The following PLXDC2 variants were observed in gnomAD, a reference collection of about 807,000 sequenced individuals.
The protein encoded by PLXDC2 is plexin domain containing 2.
Under a neutral mutation model 68.9 loss-of-function variants are expected in PLXDC2, and 40 were observed. That is an observed-to-expected ratio of 0.58 (90% CI 0.45 to 0.76). The LOEUF (loss-of-function observed/expected upper bound fraction) is 0.76. Ranked by LOEUF, PLXDC2 falls within the 30% of genes least tolerant of loss-of-function variation. PLXDC2 has a pLI of 0.00. For synonymous variants in PLXDC2, 243 were observed against 234.2 expected, an observed-to-expected ratio of 1.04 and a Z score of -0.34; for missense variants, 644 against 661.9, an observed-to-expected ratio of 0.97 and a Z score of 0.30.
intron 13 of PLXDC2, among the ~76,000 whole-genome samples, chr10:20,250,306 C>T (rs965154382): frequency 1.5e-4 from 22 of 149,798 alleles, no homozygotes; most frequent in African/African-American, 5.4e-4. Context: ...ATGACTCTAT[C>T]CTTGAGTGTA....
At chr10:19,964,208 A>G (rs954401539) in intron 1 of PLXDC2, among the ~76,000 whole-genome samples, 2 of 152,092 alleles carry the variant, frequency 1.3e-5, no homozygotes, top group Admixed American at 6.5e-5. Context: ...CCACACTGAA[A>G]TGGATTTGGT....
At chr10:20,081,566 A>G (rs1467092773) in intron 4 of PLXDC2, among the ~76,000 whole-genome samples, 2 of 152,216 alleles carry the variant, frequency 1.3e-5, no homozygotes, top group African/African-American at 2.4e-5. Flanking sequence ...GTGCTTTCCA[A>G]AACTGACAGA....
At chr10:19,865,473 G>A (rs1353485023) in intron 1 of PLXDC2, among the ~76,000 whole-genome samples, 1 of 152,112 alleles carries the variant, frequency 6.6e-6, no homozygotes, top group Non-Finnish European at 1.5e-5. Context: ...TCTCATTACT[G>A]GTATGAATGG....
At chr10:19,862,080 A>G (rs1837329834) in intron 1 of PLXDC2, among the ~76,000 whole-genome samples, 1 of 152,236 alleles carries the variant, frequency 6.6e-6, no homozygotes, top group African/African-American at 2.4e-5. Context: ...CTTAACATCT[A>G]CTTTTTTGGT....
At chr10:19,980,308 A>C (rs147461619) in intron 1 of PLXDC2, among the ~76,000 whole-genome samples, 1 of 152,236 alleles carries the variant, frequency 6.6e-6, no homozygotes, top group East Asian at 1.9e-4. Flanking sequence ...TATACTCTTC[A>C]GTATCCCTCC....
intron 1 of PLXDC2, among the ~76,000 whole-genome samples, chr10:19,941,960 C>T (rs1358797200): frequency 1.4e-5 from 2 of 148,052 alleles, no homozygotes; most frequent in African/African-American, 5.0e-5. Context: ...TGTTTCCAGC[C>T]TTTGACATTT....
intron 13 of PLXDC2, among the ~76,000 whole-genome samples, chr10:20,264,889 A>G (rs553822726): frequency 9.2e-4 from 140 of 152,272 alleles, no homozygotes; most frequent in African/African-American, 3.2e-3. Context: ...TAAAAAAGTA[A>G]ATATTGAAAG....
At chr10:20,185,743 A>G (rs1019328296) in intron 9 of PLXDC2, among the ~76,000 whole-genome samples, 1 of 152,110 alleles carries the variant, frequency 6.6e-6, no homozygotes, top group Admixed American at 6.6e-5. Context: ...ATATAAGGAA[A>G]TTAACTCACT....
At chr10:20,174,318 AATG>A (rs2131823757) in intron 7 of PLXDC2, among the ~76,000 whole-genome samples, 1 of 141,954 alleles carries the variant, frequency 7.0e-6, no homozygotes, top group Admixed American at 7.4e-5. Context: ...CTAAAAAAAA[AATG>A]ATGTGATTTA....
intron 1 of PLXDC2, among the ~76,000 whole-genome samples, chr10:19,881,720 A>T: frequency 6.6e-6 from 1 of 152,238 alleles, no homozygotes; most frequent in East Asian, 1.9e-4. Context: ...AGTACTAAAT[A>T]AAATTTGCTT....
At chr10:19,933,508 C>A (rs1022784051) in intron 1 of PLXDC2, among the ~76,000 whole-genome samples, 1 of 151,926 alleles carries the variant, frequency 6.6e-6, no homozygotes, top group East Asian at 1.9e-4. Context: ...ATGGTGGGCA[C>A]CTATCATCCC....
At chr10:19,993,017 G>A (rs573005813) in intron 1 of PLXDC2, among the ~76,000 whole-genome samples, 58 of 152,140 alleles carry the variant, frequency 3.8e-4, no homozygotes, top group African/African-American at 1.3e-3. Context: ...CTGCCTCCCC[G>A]AACCATCACT....
chr10:19,999,714 T>A (rs551225529), intron 1 of PLXDC2, among the ~76,000 whole-genome samples: 1 of 152,256 alleles, frequency 6.6e-6, no homozygotes, highest in East Asian at 1.9e-4. Flanking sequence ...CTTATCTGGT[T>A]GTCATAAAGT....
chr10:19,969,723 C>T (rs546963555), intron 1 of PLXDC2, among the ~76,000 whole-genome samples: 14 of 152,272 alleles, frequency 9.2e-5, no homozygotes, highest in African/African-American at 2.9e-4. Flanking sequence ...CTTATTCTGA[C>T]TATACTCAGT....
At chr10:19,906,223 A>G (rs1261264263) in intron 1 of PLXDC2, among the ~76,000 whole-genome samples, 3 of 151,684 alleles carry the variant, frequency 2.0e-5, no homozygotes, top group Non-Finnish European at 2.9e-5. Flanking sequence ...GATGTGTGTT[A>G]TTATTATTCA....
chr10:19,854,414 G>T (rs868780433), intron 1 of PLXDC2, among the ~76,000 whole-genome samples: 8 of 152,108 alleles, frequency 5.3e-5, no homozygotes, highest in Non-Finnish European at 5.9e-5. Flanking sequence ...CCTCCCAGGG[G>T]CCATATGGCA....
At chr10:20,243,926 G>A (rs528756015) in intron 12 of PLXDC2, among the ~76,000 whole-genome samples, 3 of 152,076 alleles carry the variant, frequency 2.0e-5, no homozygotes, top group Non-Finnish European at 4.4e-5. Flanking sequence ...AGGTGTAGTG[G>A]CAAGCGCCTG....
At chr10:19,886,039 G>A (rs191646111) in intron 1 of PLXDC2, among the ~76,000 whole-genome samples, 7 of 152,210 alleles carry the variant, frequency 4.6e-5, no homozygotes, top group Non-Finnish European at 8.8e-5. Context: ...TTGAGGATTG[G>A]TTTGTAGCTC....
At chr10:20,272,630 AGG>A (rs1219578615) in intron 13 of PLXDC2, among the ~76,000 whole-genome samples, 1 of 152,166 alleles carries the variant, frequency 6.6e-6, no homozygotes, top group African/African-American at 2.4e-5. Context: ...ACAGGTAAAA[AGG>A]GGTTGCATCA....
Sources: allele counts gnomAD v4.1 joint callset (sites outside exome capture counted in the v4.1 genomes callset), GRCh38; gene constraint gnomAD v4.1.1; transcripts MANE v1.5; gene names NCBI Gene and HGNC (gene_info 2026-07-23, HGNC 2026-07-21).